The following SYNJ1 variants were observed in gnomAD, a reference collection of about 807,000 sequenced individuals.
SYNJ1 encodes the protein polyphosphatidylinositol phosphatase SYNJ1.
A neutral mutation model predicts 168.2 loss-of-function variants in SYNJ1; 78 were observed. That is an observed-to-expected ratio of 0.46 (90% CI 0.39 to 0.56). SYNJ1 has a LOEUF of 0.56. SYNJ1 is among the 20% of genes least tolerant of loss of function. The pLI is 0.00. For missense variants in SYNJ1, 1,303 were observed against 1,597.6 expected, an observed-to-expected ratio of 0.82 and a Z score of 3.14; for synonymous variants, 539 against 548.6, an observed-to-expected ratio of 0.98 and a Z score of 0.24.
chr21:32,640,071 T>C (rs779635185), intron 29 of SYNJ1, among the ~76,000 whole-genome samples: 1 of 152,158 alleles, frequency 6.6e-6, no homozygotes, highest in Non-Finnish European at 1.5e-5. Context: ...ATCATCTCTA[T>C]TTTAAATTAA....
intron 31 of SYNJ1, among the ~76,000 whole-genome samples, chr21:32,636,820 G>C (rs1049083174): frequency 1.3e-5 from 2 of 151,958 alleles, no homozygotes; most frequent in Admixed American, 6.6e-5. Context: ...GTGTGTCTGT[G>C]TATCTAATAT....
intron 6 of SYNJ1, among the ~76,000 whole-genome samples, chr21:32,693,369 T>C (rs1050329354): frequency 8.5e-5 from 13 of 152,348 alleles, no homozygotes; most frequent in African/African-American, 3.1e-4. Context: ...TCAAGAATTT[T>C]TGCAGAGCAG....
Position 32,688,345 on chromosome 21 carries a change from A to G in SYNJ1, c.812T>C (p.Met271Thr), listed in dbSNP as rs1168401122. ...GLQVGSHRVR[M>T]SRGFEANAPA... The stretch of plus-strand genomic sequence containing the variant: ...TGCATTGGCTTCAAATCCCCTTGAC[A>G]TACGGACACGATGAGATCCCACCTT... Residue 271 changes from methionine to threonine, a missense_variant, in exon 7 of 33, where the codon ATG becomes ACG. Met to Thr is a moderately conservative substitution (Grantham distance 81, BLOSUM62 -1). This residue lies in a region of SYNJ1 where 920 missense variants were observed against 1,208.8 expected (regional missense o/e 0.76). Transcript: ENST00000674351. 1 of 1,613,770 alleles carries G rather than the reference A, an allele frequency of 6.2e-7. No homozygotes were observed. Among genetic ancestry groups the G allele is most frequent in the Non-Finnish European group, 8.5e-7 (1 of 1,179,914 alleles).
At chr21:32,727,924 C>T (rs1036251159) in intron 1 of SYNJ1, 22 bp downstream of exon 1, 14 of 1,531,890 alleles carry the variant, frequency 9.1e-6, no homozygotes, top group Non-Finnish European at 1.2e-5. Context: ...AGCAGCTCCC[C>T]GCCCCCCGCC....
intron 1 of SYNJ1, 122 bp downstream of exon 1, chr21:32,727,824 G>C: frequency 6.8e-7 from 1 of 1,465,552 alleles, no homozygotes; most frequent in Non-Finnish European, 9.0e-7. Context: ...GGCTGCTCGC[G>C]GTCGCCCCTC....
intron 4 of SYNJ1, among the ~76,000 whole-genome samples, chr21:32,698,216 C>T (rs1244667812): frequency 6.6e-6 from 1 of 152,112 alleles, no homozygotes; most frequent in Non-Finnish European, 1.5e-5. Flanking sequence ...TGCTATAAAC[C>T]CTGTTTTTAT....
Position 32,642,103 on chromosome 21 carries a change from T to C in SYNJ1, c.3509A>G (p.Asp1170Gly), listed in dbSNP as rs2039866977. ...CATTCAAGTGTTTTTACCTATATTA[T>C]CTTTCCTTGTTGTTCCAGGGCTTTT... ...APKSPGTTRK[D>G]NIGRSQPSPQ... Residue 1170 changes from aspartate (D) to glycine (G), a missense_variant, in exon 28 of 33, where the codon GAT (aspartate) becomes GGT (glycine). By Grantham distance (94) the Asp-to-Gly change is moderately conservative (BLOSUM62 -1). Around this residue, in one of 2 missense-constraint regions of SYNJ1, gnomAD observed 383 missense variants for 388.8 expected, o/e 0.99. Coordinates refer to ENST00000674351, the MANE Select transcript of SYNJ1 (RefSeq NM_203446.3). 3 of 1,614,074 alleles carry C rather than the reference T, an allele frequency of 1.9e-6. No homozygotes were observed. Among genetic ancestry groups the C allele is most frequent in the East Asian group, 2.2e-5 (1 of 44,884 alleles).
intron 22 of SYNJ1, 32 bp from the exon 23 acceptor site, chr21:32,650,378 T>C: frequency 1.3e-6 from 2 of 1,567,638 alleles, no homozygotes; most frequent in South Asian, 1.2e-5. Flanking sequence ...AAAATAAAGA[T>C]TAACATGAAA....
intron 10 of SYNJ1, among the ~76,000 whole-genome samples, chr21:32,683,647 A>G (rs2041710297): frequency 6.6e-6 from 1 of 152,144 alleles, no homozygotes; most frequent in African/African-American, 2.4e-5. Context: ...ACATATGAAA[A>G]TAGACCCTTC....
At chr21:32,636,114 T>A (rs144798143) in intron 31 of SYNJ1, among the ~76,000 whole-genome samples, 1 of 152,202 alleles carries the variant, frequency 6.6e-6, no homozygotes, top group African/African-American at 2.4e-5. Flanking sequence ...AATAGGTTTA[T>A]ACTGAGAGGT....
At chr21:32,707,349 C>T (rs2042651972) in intron 2 of SYNJ1, among the ~76,000 whole-genome samples, 1 of 144,544 alleles carries the variant, frequency 6.9e-6, no homozygotes, top group South Asian at 2.2e-4. Context: ...TACAGTGGCA[C>T]AATCATGACT....
chr21:32,702,170 G>T, intron 2 of SYNJ1, 123 bp from the exon 3 acceptor site: 1 of 615,912 alleles, frequency 1.6e-6, no homozygotes, highest in Non-Finnish European at 2.7e-6. Flanking sequence ...TAAATGTACT[G>T]CATATTTTCT....
At chr21:32,652,358 G>A (rs845003) in intron 22 of SYNJ1, among the ~76,000 whole-genome samples, 12,549 of 151,998 alleles carry the variant, frequency 0.083, 682 homozygotes, top group South Asian at 0.16. Flanking sequence ...CCACCACCAC[G>A]CCTGGCTACT....
intron 21 of SYNJ1, chr21:32,653,612 T>C (rs1178092787): frequency 7.2e-6 from 3 of 415,380 alleles, no homozygotes; most frequent in African/African-American, 4.1e-5. Flanking sequence ...GCACCTCCAT[T>C]TGTGATCACT....
chr21:32,639,097 C>A lies in SYNJ1; in HGVS notation c.3726G>T (p.Lys1242Asn). The A allele has an allele frequency of 6.2e-7, 1 of 1,613,564 alleles. No individual in the cohort carries two copies. The highest frequency in any genetic ancestry group is 1.3e-5 in the African/African-American group (1 of 75,010). ...KGSTFLPEPL[K>N]PQAAFPPQSS... ...ACTGCGGAGGAAAAGCAGCCTGAGG[C>A]TTCAGTGGTTCAGGAAGGAAAGTTG... The change falls in exon 31 of 33, where the codon AAG (lysine) becomes AAT (asparagine). Residue 1242 changes from lysine (K) to asparagine (N), a missense_variant. Lys to Asn is a moderately conservative substitution (Grantham distance 94). Around this residue, in one of 2 missense-constraint regions of SYNJ1, gnomAD observed 383 missense variants for 388.8 expected, o/e 0.99. Coordinates refer to ENST00000674351, the MANE Select transcript of SYNJ1 (RefSeq NM_203446.3).
Position 32,639,722 on chromosome 21 carries a change from C to T in SYNJ1, c.3646G>A (p.Ala1216Thr), listed in dbSNP as rs372495350. 2.5e-6 allele frequency: 4 copies of T among 1,614,036 alleles called. No homozygotes were observed. The highest frequency in any genetic ancestry group is 3.3e-5 in the Admixed American group (2 of 59,996). Residue 1216 changes from alanine (A) to threonine (T), a missense_variant, in exon 30 of 33, where the codon GCT becomes ACT. By Grantham distance (58) the Ala-to-Thr change is moderately conservative (BLOSUM62 0). Coordinates refer to ENST00000674351, the MANE Select transcript of SYNJ1 (RefSeq NM_203446.3). ...SAPQSHARAS[A>T]GRLTPESQSK... ...TGGCTTTCAGGAGTCAGTCTTCCAG[C>T]AGATGCCCGCGCGTGGCTCTGTGGG... is the stretch of plus-strand genomic sequence containing the variant.
intron 2 of SYNJ1, among the ~76,000 whole-genome samples, chr21:32,724,753 A>C (rs2043384104): frequency 6.6e-6 from 1 of 152,230 alleles, no homozygotes; most frequent in Non-Finnish European, 1.5e-5. Context: ...AAATGACTTA[A>C]GAAGGTTTGT....
At position 32,631,038 on chromosome 21, in the gene SYNJ1, A is replaced by C. The variant is rs764949465; in HGVS notation, c.*767T>G. 6.2e-7 allele frequency: 1 copy of C among 1,614,098 alleles called. No homozygotes were observed. ...CAGTGTGGGTGAAGCCTTAGAGGCCAAGGTCGTGAAAGGATCTACTGGAGG... is the reference window on the plus strand; with the variant it reads ...CAGTGTGGGTGAAGCCTTAGAGGCCCAGGTCGTGAAAGGATCTACTGGAGG... On this transcript the variant is annotated 3_prime_UTR_variant, in exon 33 of 33. Transcript: ENST00000674351.
chr21:32,701,544 C>T (rs958955977), intron 3 of SYNJ1, among the ~76,000 whole-genome samples: 1 of 105,132 alleles, frequency 9.5e-6, no homozygotes, highest in African/African-American at 3.5e-5. Context: ...CATTACGTGG[C>T]AAAAAAAAAA....
Sources: allele counts gnomAD v4.1 joint callset (sites outside exome capture counted in the v4.1 genomes callset), GRCh38; gene constraint gnomAD v4.1.1; regional missense constraint gnomAD v4.1.1; transcripts MANE v1.5; gene names NCBI Gene and HGNC (gene_info 2026-07-23, HGNC 2026-07-21).